The following CNOT8 variants were observed in gnomAD, a reference collection of about 807,000 sequenced individuals.
The protein encoded by CNOT8 is CAF1-like protein.
CNOT8 carries 18 observed loss-of-function variants against 34.6 expected under a neutral mutation model. The observed-to-expected ratio is 0.52, with a 90% confidence interval of 0.36 to 0.77. The LOEUF (loss-of-function observed/expected upper bound fraction) is 0.77. Ranked by LOEUF, CNOT8 falls within the 30% of genes least tolerant of loss-of-function variation. The pLI, the probability that CNOT8 is intolerant of heterozygous loss-of-function variation, is 0.00. For missense variants in CNOT8, 189 were observed against 347.9 expected, an observed-to-expected ratio of 0.54 and a Z score of 3.63; for synonymous variants, 101 against 118.8, an observed-to-expected ratio of 0.85 and a Z score of 0.98.
At chr5:154,864,469 A>G (rs1280280141) in intron 2 of CNOT8, among the ~76,000 whole-genome samples, 2 of 151,974 alleles carry the variant, frequency 1.3e-5, no homozygotes, top group African/African-American at 4.8e-5. Flanking sequence ...AAAAAAAAAA[A>G]GAAATTACAG....
At chr5:154,872,436 C>T (rs1762571586) in intron 5 of CNOT8, 105 bp from the exon 6 acceptor site, 7 of 609,292 alleles carry the variant, frequency 1.1e-5, no homozygotes, top group Admixed American at 3.1e-5. Flanking sequence ...AATGGCCTGT[C>T]CCCACTTCTT....
intron 3 of CNOT8, chr5:154,870,404 T>A (rs1278570358): frequency 1.2e-5 from 3 of 251,544 alleles, no homozygotes; most frequent in African/African-American, 4.6e-5. Flanking sequence ...TTTTTTTTTT[T>A]TAAATAATGA....
intron 3 of CNOT8, among the ~76,000 whole-genome samples, chr5:154,865,628 A>G (rs1761795424): frequency 6.6e-6 from 1 of 152,200 alleles, no homozygotes; most frequent in African/African-American, 2.4e-5. Context: ...AAGATGCTCA[A>G]CATCATTAGT....
intron 6 of CNOT8, among the ~76,000 whole-genome samples, chr5:154,873,433 T>C (rs1041892061): frequency 1.3e-5 from 2 of 152,216 alleles, no homozygotes; most frequent in Non-Finnish European, 2.9e-5. Context: ...AATAGAAATA[T>C]ATTTGTTAGG....
chr5:154,865,457 A>G, intron 3 of CNOT8, 72 bp downstream of exon 3: 1 of 1,081,180 alleles, frequency 9.2e-7, no homozygotes. Context: ...TGTTGGATAG[A>G]GCGGTCAAGC....
intron 6 of CNOT8, among the ~76,000 whole-genome samples, 154 bp from the exon 7 acceptor site, chr5:154,875,136 C>T (rs1762829030): frequency 6.6e-6 from 1 of 152,112 alleles, no homozygotes; most frequent in African/African-American, 2.4e-5. Flanking sequence ...AGGCTGGTCT[C>T]GACCTCCTGA....
chr5:154,863,378 T>C lies in CNOT8; in HGVS notation c.100T>C (p.Tyr34His). The C allele has an allele frequency of 6.2e-7, 1 of 1,611,636 alleles. No homozygotes were observed. The highest frequency in any genetic ancestry group is 8.5e-7 in the Non-Finnish European group (1 of 1,177,732). ...GAAGATCCGAGAAATCGTGCTCAGT[T>C]ACAGTTATATTGCCATGGTAAGGAG... Reference protein sequence around the residue: ...MRKIREIVLSYSYIAMDTEFP... With the variant: ...MRKIREIVLSHSYIAMDTEFP... The change falls in exon 2 of 7, where the codon TAC becomes CAC. Residue 34 changes from tyrosine to histidine, a missense_variant. This residue lies in a region of CNOT8 where 160 missense variants were observed against 321.9 expected (regional missense o/e 0.50). Coordinates refer to ENST00000285896, the MANE Select transcript of CNOT8 (RefSeq NM_001301073.2).
intron 3 of CNOT8, among the ~76,000 whole-genome samples, chr5:154,867,019 A>T (rs1293490260): frequency 6.6e-6 from 1 of 152,232 alleles, no homozygotes. Context: ...GTGATTCATC[A>T]TTGGTTTTAA....
At chr5:154,870,597 A>T in intron 3 of CNOT8, 64 bp from the exon 4 acceptor site, 2 of 1,253,780 alleles carry the variant, frequency 1.6e-6, no homozygotes, top group Admixed American at 2.0e-5. Context: ...GGTGGTGGTA[A>T]TAGTGTGGCC....
intron 4 of CNOT8, 118 bp from the exon 5 acceptor site, chr5:154,871,612 G>A: frequency 1.6e-5 from 10 of 640,650 alleles, no homozygotes; most frequent in South Asian, 4.3e-5. Flanking sequence ...AAACTACTCA[G>A]AAAAAGTGAA....
At chr5:154,872,161 T>C (rs757164220) in intron 5 of CNOT8, among the ~76,000 whole-genome samples, 28 of 152,238 alleles carry the variant, frequency 1.8e-4, no homozygotes, top group Non-Finnish European at 3.7e-4. Flanking sequence ...GGATGGGGTC[T>C]GTGGTATAAC....
chr5:154,862,200 G>A (rs926453516), intron 1 of CNOT8, among the ~76,000 whole-genome samples: 5 of 152,130 alleles, frequency 3.3e-5, no homozygotes, highest in African/African-American at 2.4e-5. Context: ...TTGAATTGCT[G>A]CATAGTTTCT....
rs1762951115 is a variant in CNOT8, at chr5:154,876,787, C to A, written c.*1348C>A. The stretch of plus-strand genomic sequence containing the variant: ...TAAAATAAAGATTTCTTTTTAACCA[C>A]TGGCATTAAGGTTTGGTCTTTCATA... On this transcript the variant is annotated 3_prime_UTR_variant, in exon 7 of 7. Coordinates refer to ENST00000285896, the MANE Select transcript of CNOT8 (RefSeq NM_001301073.2). 6.6e-6 allele frequency: 1 copy of A among 152,622 alleles called. No homozygotes were observed. The highest frequency in any genetic ancestry group is 2.4e-5 in the African/African-American group (1 of 41,448). The allele number at this position is 152,622 out of a possible 1,614,324, so 9.5% of individuals were successfully genotyped here.
At chr5:154,875,230 T>C (rs1427920508) in intron 6 of CNOT8, 60 bp from the exon 7 acceptor site, 1 of 1,578,892 alleles carries the variant, frequency 6.3e-7, no homozygotes, top group Middle Eastern at 1.7e-4. Context: ...TGTGATAATA[T>C]TTATACTTGT....
chr5:154,872,357 T>C (rs1157734449), intron 5 of CNOT8, among the ~76,000 whole-genome samples, 184 bp from the exon 6 acceptor site: 1 of 152,224 alleles, frequency 6.6e-6, no homozygotes, highest in African/African-American at 2.4e-5. Flanking sequence ...ATGTAGGATG[T>C]AGCACAATAT....
In CNOT8 at chr5:154,870,839, G is replaced by C. The variant is rs998328732; in HGVS notation, c.473+17G>C. ...ATTTCATAGGTCAGTCCTAGGGAAT[G>C]TGTATTTCTCTCTCACTTTGGGCTA... is the stretch of plus-strand genomic sequence containing the variant. On this transcript the variant is annotated intron_variant, in intron 4 of 6. Coordinates refer to ENST00000285896, the MANE Select transcript of CNOT8 (RefSeq NM_001301073.2). 2.5e-6 allele frequency: 4 copies of C among 1,586,274 alleles called. No individual in the cohort carries two copies. The highest frequency in any genetic ancestry group is 2.6e-6 in the Non-Finnish European group (3 of 1,164,908).
Position 154,871,860 on chromosome 5 carries a change from T to A in CNOT8, c.604T>A (p.Cys202Ser), listed in dbSNP as rs751542603. 6.2e-7 allele frequency: 1 copy of A among 1,612,672 alleles called. No individual in the cohort carries two copies. The highest frequency in any genetic ancestry group is 8.5e-7 in the Non-Finnish European group (1 of 1,179,568). Residue 202 changes from cysteine (C) to serine (S), a missense_variant, in exon 5 of 7, where the codon TGC becomes AGC. Coordinates refer to ENST00000285896, the MANE Select transcript of CNOT8 (RefSeq NM_001301073.2). ...IYDVKYLMKS[C>S]KNLKGGLQEV... is the part of the protein sequence containing the mutation. ...TGATGTGAAATACCTGATGAAGAGC[T>A]GCAAAAATCTTAAGGTATATGATGT... is the stretch of plus-strand genomic sequence containing the variant.
intron 6 of CNOT8, among the ~76,000 whole-genome samples, chr5:154,873,513 C>A (rs114549268): frequency 1.4e-3 from 214 of 152,224 alleles, no homozygotes; most frequent in African/African-American, 4.7e-3. Flanking sequence ...TTTACTATAA[C>A]CCCTTAGTAA....
intron 2 of CNOT8, among the ~76,000 whole-genome samples, chr5:154,864,189 G>A (rs113267805): frequency 0.025 from 3,869 of 152,252 alleles, 167 homozygotes; most frequent in African/African-American, 0.089. Context: ...GGCCGGGCGC[G>A]GTGGCTCACG....
Sources: allele counts gnomAD v4.1 joint callset (sites outside exome capture counted in the v4.1 genomes callset), GRCh38; gene constraint gnomAD v4.1.1; regional missense constraint gnomAD v4.1.1; transcripts MANE v1.5; gene names NCBI Gene and HGNC (gene_info 2026-07-23, HGNC 2026-07-21).